ATP11A: variants seen among roughly 807,000 people sequenced by gnomAD.
ATP11A encodes phospholipid-transporting ATPase IH.
Under a neutral mutation model 154.4 loss-of-function variants are expected in ATP11A, and 81 were observed. The ratio of observed to expected loss-of-function variants is 0.52; its 90% confidence interval spans 0.44 to 0.63. The LOEUF is 0.63. Ranked by LOEUF, ATP11A falls within the 30% of genes least tolerant of loss-of-function variation. The probability of loss-of-function intolerance (pLI) is 0.00; values close to 1 mark genes in which losing one functional copy is unlikely to be tolerated. For synonymous variants in ATP11A, 623 were observed against 585.9 expected, an observed-to-expected ratio of 1.06 and a Z score of -0.91; for missense variants, 1,316 against 1,474.3, an observed-to-expected ratio of 0.89 and a Z score of 1.76.
At chr13:112,812,480 T>C (rs9577393) in intron 5 of ATP11A, among the ~76,000 whole-genome samples, 69,176 of 151,922 alleles carry the variant, frequency 0.46, 15,965 homozygotes, top group Middle Eastern at 0.52. Flanking sequence ...GAGAGCCAGG[T>C]GCGTTCCAGA....
chr13:112,771,012 G>A (rs895128789), intron 1 of ATP11A, among the ~76,000 whole-genome samples: 5 of 152,158 alleles, frequency 3.3e-5, no homozygotes, highest in African/African-American at 1.2e-4. Flanking sequence ...TCTGCCCCGC[G>A]GTGTAATTCA....
intron 1 of ATP11A, among the ~76,000 whole-genome samples, chr13:112,719,899 A>T (rs1171069920): frequency 1.3e-5 from 2 of 152,118 alleles, no homozygotes; most frequent in Non-Finnish European, 2.9e-5. Context: ...CCCATAATTT[A>T]AAAAAAAGTA....
At chr13:112,756,042 G>A (rs1199714485) in intron 1 of ATP11A, among the ~76,000 whole-genome samples, 3 of 152,214 alleles carry the variant, frequency 2.0e-5, no homozygotes, top group Non-Finnish European at 4.4e-5. Flanking sequence ...TTCCGGTCAC[G>A]GAAGCGTCAC....
At chr13:112,821,399 C>T (rs1305355640) in intron 8 of ATP11A, among the ~76,000 whole-genome samples, 1 of 152,248 alleles carries the variant, frequency 6.6e-6, no homozygotes, top group South Asian at 2.1e-4. Context: ...CTGCAGCCTC[C>T]ACCTCCCGGG....
At chr13:112,694,675 T>G (rs1885590823) in intron 1 of ATP11A, among the ~76,000 whole-genome samples, 1 of 152,182 alleles carries the variant, frequency 6.6e-6, no homozygotes, top group Non-Finnish European at 1.5e-5. Context: ...TTTCAATGAT[T>G]CAGCCCAGAT....
Position 112,859,575 on chromosome 13 carries a change from A to T in ATP11A, c.2727+123A>T. 2.8e-4 allele frequency: 187 copies of T among 657,890 alleles called. No individual in the cohort carries two copies. The highest frequency in any genetic ancestry group is 7.1e-4 in the East Asian group (18 of 25,506). 40.8% of individuals were successfully genotyped at this position (657,890 alleles called of 1,614,324 possible). On this transcript the variant is annotated intron_variant, in intron 23 of 29. Coordinates refer to ENST00000375645, the MANE Select transcript of ATP11A (RefSeq NM_015205.3). This position sits in a 1 kb window ranked among gnomAD's most constrained non-coding sequence, Gnocchi z 4.3. ...CACTCCCCGGCACCACGAGGGAGCCAGGGTGCCCAGCAGCAGGCGGGGGTG... is the reference window on the plus strand; with the variant it reads ...CACTCCCCGGCACCACGAGGGAGCCTGGGTGCCCAGCAGCAGGCGGGGGTG...
At position 112,854,274 on chromosome 13, in the gene ATP11A, C is replaced by T. The variant is rs1416745497; in HGVS notation, c.1992-5C>T. 6.2e-6 allele frequency: 10 copies of T among 1,613,840 alleles called. No homozygotes were observed. The highest frequency in any genetic ancestry group is 8.5e-6 in the Non-Finnish European group (10 of 1,179,866). On this transcript the variant is annotated splice_polypyrimidine_tract_variant and splice_region_variant and intron_variant, in intron 18 of 29. Transcript: ENST00000375645. ...CTATGCTGTGTTTGGTTTTGCCTCC[C>T]TCAGGCTGCAGGAGAAAGCTGCAGA...
intron 1 of ATP11A, among the ~76,000 whole-genome samples, chr13:112,720,275 G>T (rs1888999219): frequency 6.6e-6 from 1 of 152,252 alleles, no homozygotes; most frequent in African/African-American, 2.4e-5. Context: ...GCCCAGAAAG[G>T]TGGGATTTCT....
At chr13:112,692,559 C>T (rs1885321947) in intron 1 of ATP11A, among the ~76,000 whole-genome samples, 1 of 152,216 alleles carries the variant, frequency 6.6e-6, no homozygotes, top group Non-Finnish European at 1.5e-5. Context: ...ACGCTTATGG[C>T]ATCACATTTT....
intron 8 of ATP11A, 104 bp from the exon 9 acceptor site, chr13:112,823,241 G>T: frequency 1.2e-6 from 1 of 823,144 alleles, no homozygotes; most frequent in South Asian, 1.5e-5. Context: ...CTCTGAAAAT[G>T]AGATCTGCTG....
At chr13:112,711,156 C>A (rs1386154910) in intron 1 of ATP11A, among the ~76,000 whole-genome samples, 2 of 152,184 alleles carry the variant, frequency 1.3e-5, no homozygotes, top group Non-Finnish European at 2.9e-5. Flanking sequence ...GGGCCGCGTG[C>A]GGCTCTTCCG....
chr13:112,881,372 C>T (rs1350568147), intron 29 of ATP11A: 18 of 1,040,726 alleles, frequency 1.7e-5, no homozygotes, highest in South Asian at 3.5e-5. Context: ...TAAATCAACC[C>T]GGTCCCTGTG....
At position 112,690,259 on chromosome 13, in the gene ATP11A, T is replaced by A. The variant is rs1239963469; in HGVS notation, c.-158T>A. ...CAGCATTCGCCGGCCGGGCCGGGCA[T>A]GAGCGCGGAGGGGCCGCGGCCGCCC... On this transcript the variant is annotated 5_prime_UTR_variant, in exon 1 of 30. The change abolishes an upstream ATG in the 5' untranslated region. Coordinates refer to ENST00000375645, the MANE Select transcript of ATP11A (RefSeq NM_015205.3). The surrounding 1 kb of genome is among the most constrained non-coding windows in gnomAD (Gnocchi z 5.6). 3.7e-6 allele frequency: 1 copy of A among 268,746 alleles called. No individual in the cohort carries two copies. The highest frequency in any genetic ancestry group is 5.8e-6 in the Non-Finnish European group (1 of 172,162). 16.6% of individuals were successfully genotyped at this position (268,746 alleles called of 1,614,324 possible).
rs116031223 is a variant in ATP11A, at chr13:112,859,895, A to G, written c.2728-392A>G. 6.2e-3 allele frequency among the ~76,000 whole-genome samples: 944 copies of G among 152,340 alleles called. 7 individuals are homozygous for G. The highest frequency in any genetic ancestry group is 0.022 in the African/African-American group (904 of 41,586). On this transcript the variant is annotated intron_variant, in intron 23 of 29. Transcript: ENST00000375645. The surrounding 1 kb of genome is among the most constrained non-coding windows in gnomAD (Gnocchi z 4.3). ...GGGAGGGGTGAAGGACTCCCCGGGC[A>G]TCTGCCCTAGATGGACACCTCCTTC... is the stretch of plus-strand genomic sequence containing the variant.
chr13:112,880,521 C>T (rs906000571), intron 29 of ATP11A: 1 of 1,293,458 alleles, frequency 7.7e-7, no homozygotes, highest in African/African-American at 1.5e-5. Context: ...GCCCACGTCG[C>T]TCAGTATCTT....
At position 112,862,578 on chromosome 13, in the gene ATP11A, C is replaced by G. The variant is rs2080144646; in HGVS notation, c.2991+3C>G. ...CAACTGTGACAAGCAACGGGCAGGT[C>G]AGTACAGAGCTCGATTGCGCTGACT... On this transcript the variant is annotated splice_donor_region_variant and intron_variant, in intron 25 of 29. Transcript: ENST00000375645. 1 of 1,614,004 alleles carries G rather than the reference C, an allele frequency of 6.2e-7. No homozygotes were observed. The highest frequency in any genetic ancestry group is 1.3e-5 in the African/African-American group (1 of 74,932).
chr13:112,868,387 G>A (rs1439041810), intron 25 of ATP11A, among the ~76,000 whole-genome samples: 1 of 152,220 alleles, frequency 6.6e-6, no homozygotes, highest in Non-Finnish European at 1.5e-5. Flanking sequence ...TGAGCAGAAA[G>A]CTTCTATAGG....
At chr13:112,848,790 C>A (rs1049475578) in intron 17 of ATP11A, among the ~76,000 whole-genome samples, 2 of 152,210 alleles carry the variant, frequency 1.3e-5, no homozygotes, top group African/African-American at 4.8e-5. Context: ...TGGGTTCAAG[C>A]CATTCTCTTG....
chr13:112,843,278 A>G (rs1455254151), intron 17 of ATP11A, among the ~76,000 whole-genome samples: 1 of 149,582 alleles, frequency 6.7e-6, no homozygotes, highest in African/African-American at 2.5e-5. Context: ...TGGGTGACGC[A>G]TGGCCGGGTG....
Sources: gnomAD v4.1 joint callset for allele counts (sites outside exome capture counted in the v4.1 genomes callset) on GRCh38, gnomAD v4.1.1 for gene constraint, Gnocchi (gnomAD v3.1) non-coding constraint, MANE v1.5 for transcripts, NCBI Gene and HGNC (gene_info 2026-07-23, HGNC 2026-07-21) for gene names.